Variants in DSTYK observed in about 807,000 individuals in gnomAD.
DSTYK encodes dual serine/threonine and tyrosine protein kinase.
In DSTYK, 34 loss-of-function variants were observed where a neutral mutation model predicts 98.7. The observed-to-expected ratio is 0.34, with a 90% confidence interval of 0.26 to 0.46. The LOEUF (loss-of-function observed/expected upper bound fraction) is 0.46. Ranked by LOEUF, DSTYK falls within the 20% of genes least tolerant of loss-of-function variation. The pLI is 1.00. For missense variants in DSTYK, 962 were observed against 1,181.7 expected (o/e 0.81, Z 2.73); for synonymous variants, 462 against 457.3 (o/e 1.01, Z -0.13).
chr1:205,179,327 T>C (rs919733029), intron 2 of DSTYK, among the ~76,000 whole-genome samples: 1 of 151,532 alleles, frequency 6.6e-6, no homozygotes, highest in African/African-American at 2.4e-5. Flanking sequence ...GAATAAAAGA[T>C]AGACTAGATG....
intron 2 of DSTYK, among the ~76,000 whole-genome samples, chr1:205,186,115 T>C (rs1658552458): frequency 6.6e-6 from 1 of 152,214 alleles, no homozygotes; most frequent in Non-Finnish European, 1.5e-5. Flanking sequence ...CAAGACTGTA[T>C]ACTACAGAGA....
intron 1 of DSTYK, among the ~76,000 whole-genome samples, chr1:205,203,035 A>C (rs1288620494): frequency 2.0e-5 from 3 of 152,218 alleles, no homozygotes; most frequent in East Asian, 1.9e-4. Flanking sequence ...AAAACAAAAT[A>C]TAAAAACCAG....
chr1:205,150,221 T>C lies in DSTYK; in HGVS notation c.2467+459A>G, dbSNP rs1657362563. 6.6e-6 allele frequency among the ~76,000 whole-genome samples: 1 copy of C among 152,146 alleles called. No homozygotes were observed. Among genetic ancestry groups the C allele is most frequent in the South Asian group, 2.1e-4 (1 of 4,828 alleles). On this transcript the variant is annotated intron_variant, in intron 11 of 12. Transcript: ENST00000367162. The surrounding 1 kb of genome is among the most constrained non-coding windows in gnomAD (Gnocchi z 4.1). ...ACCTCCATCACAAAACCACCAAACA[T>C]TTCCACCTTCATTTATTCCTTCTCT...
intron 2 of DSTYK, among the ~76,000 whole-genome samples, chr1:205,176,476 TAAAAAAAAAAAA>T (rs61291677): frequency 4.6e-5 from 2 of 43,204 alleles, no homozygotes; most frequent in African/African-American, 1.4e-4. Context: ...AACTCCCTCT[TAAAAAAAAAAAA>T]AAAAAAAAAA....
chr1:205,161,813 A>T (rs888016537), intron 6 of DSTYK, among the ~76,000 whole-genome samples: 1 of 152,208 alleles, frequency 6.6e-6, no homozygotes, highest in African/African-American at 2.4e-5. Context: ...AAATATCCAC[A>T]TGAAAAATTT....
intron 2 of DSTYK, among the ~76,000 whole-genome samples, chr1:205,185,639 A>C (rs545423407): frequency 1.3e-5 from 2 of 152,392 alleles, no homozygotes; most frequent in South Asian, 4.1e-4. Flanking sequence ...AGAAAGCAAA[A>C]GTAATATTTC....
intron 1 of DSTYK, among the ~76,000 whole-genome samples, chr1:205,189,294 G>C (rs897308614): frequency 1.3e-5 from 2 of 152,150 alleles, no homozygotes; most frequent in African/African-American, 4.8e-5. Flanking sequence ...AAAATAATCC[G>C]AAATTAGTTC....
rs1331905237 is a variant in DSTYK, at chr1:205,211,576, G to T, written c.-41C>A. ...TGTCTTTGCGGCTCGGTCCCCGGCC[G>T]CAGGCCCGGCCTCCCTCCTCCCCGC... is the stretch of plus-strand genomic sequence containing the variant. On this transcript the variant is annotated 5_prime_UTR_variant, in exon 1 of 13. Coordinates refer to ENST00000367162, the MANE Select transcript of DSTYK (RefSeq NM_015375.3). 1 of 1,412,880 alleles carries T rather than the reference G, an allele frequency of 7.1e-7. No individual in the cohort carries two copies. Among genetic ancestry groups the T allele is most frequent in the East Asian group, 2.9e-5 (1 of 34,902 alleles). The allele number at this position is 1,412,880 out of a possible 1,614,324, so 87.5% of individuals were successfully genotyped here. A position where few individuals can be genotyped will look rare whatever the true frequency, so the allele number is the denominator to read the frequency against.
At chr1:205,210,562 G>A (rs1256049433) in intron 1 of DSTYK, among the ~76,000 whole-genome samples, 1 of 152,172 alleles carries the variant, frequency 6.6e-6, no homozygotes, top group Non-Finnish European at 1.5e-5. Flanking sequence ...GGGGGCCTCT[G>A]GCACATCCTA....
Position 205,211,665 on chromosome 1 carries a change from C to A in DSTYK, c.-130G>T. ...GCCCCCGCCTGCAGTCAGCCTGGCTCCCAACCTCCGTCACTGCCGTTGCAA... is the reference window on the plus strand; with the variant it reads ...GCCCCCGCCTGCAGTCAGCCTGGCTACCAACCTCCGTCACTGCCGTTGCAA... On this transcript the variant is annotated 5_prime_UTR_variant, in exon 1 of 13. Transcript: ENST00000367162. The A allele has an allele frequency of 7.8e-7, 1 of 1,277,780 alleles. No individual in the cohort carries two copies. Among genetic ancestry groups the A allele is most frequent in the Non-Finnish European group, 1.0e-6 (1 of 973,936 alleles). The allele number at this position is 1,277,780 out of a possible 1,614,324, so 79.2% of individuals were successfully genotyped here.
intron 1 of DSTYK, among the ~76,000 whole-genome samples, chr1:205,208,638 T>C (rs1334700624): frequency 2.0e-5 from 3 of 151,828 alleles, no homozygotes; most frequent in African/African-American, 7.3e-5. Context: ...CTTTGGGAGG[T>C]TGAGTTGGAA....
chr1:205,185,851 T>G (rs1472441186), intron 2 of DSTYK, among the ~76,000 whole-genome samples: 1 of 151,906 alleles, frequency 6.6e-6, no homozygotes, highest in Non-Finnish European at 1.5e-5. Flanking sequence ...GGTGAAACCC[T>G]GTCTCTACTA....
At chr1:205,202,434 G>C in intron 1 of DSTYK, 2 of 753,080 alleles carry the variant, frequency 2.7e-6, no homozygotes, top group East Asian at 2.5e-5. Flanking sequence ...GACAAGGTCA[G>C]TGGCCCAAAA....
At chr1:205,204,726 C>A (rs187312771) in intron 1 of DSTYK, among the ~76,000 whole-genome samples, 3 of 152,228 alleles carry the variant, frequency 2.0e-5, no homozygotes, top group East Asian at 3.9e-4. Flanking sequence ...AAATTCCATA[C>A]CCATTAGCAG....
intron 9 of DSTYK, 32 bp from the exon 10 acceptor site, chr1:205,157,418 A>T (rs1353645482): frequency 6.4e-7 from 1 of 1,559,816 alleles, no homozygotes; most frequent in South Asian, 1.1e-5. Context: ...ACTTGTCATG[A>T]TAAGGCAACT....
chr1:205,197,151 A>AG (rs1403159103), intron 1 of DSTYK, among the ~76,000 whole-genome samples: 3 of 151,462 alleles, frequency 2.0e-5, no homozygotes, highest in African/African-American at 7.3e-5. Flanking sequence ...AAAAAAAAAA[A>AG]GGAGACATTG....
Position 205,162,063 on chromosome 1 carries a change from G to A in DSTYK, c.1791C>T (p.His597=), listed in dbSNP as rs764647986. Residue 597 remains histidine, a synonymous_variant, in exon 6 of 13, where the codon CAC becomes CAT. Coordinates refer to ENST00000367162, the MANE Select transcript of DSTYK (RefSeq NM_015375.3). ...SQFRTRLNSS[H]EAFAASLRQL... ...GCCGCAAGGAGGCTGCAAAAGCCTCGTGGGAACTATTGAGCCGAGTCCGGA... is the reference window on the plus strand; with the variant it reads ...GCCGCAAGGAGGCTGCAAAAGCCTCATGGGAACTATTGAGCCGAGTCCGGA... The A allele has an allele frequency of 1.1e-4, 177 of 1,613,852 alleles. No homozygotes were observed. Among genetic ancestry groups the A allele is most frequent in the Non-Finnish European group, 1.3e-4 (156 of 1,179,900 alleles).
rs182921440 is a variant in DSTYK, at chr1:205,178,010, A to G, written c.655-8178T>C. Reference sequence around the variant, plus strand: ...ACTGGGATCAATGTGAAGGCAAACCAGAGTTTTATCCCAGTAGTCAACATT... The same window carrying G: ...ACTGGGATCAATGTGAAGGCAAACCGGAGTTTTATCCCAGTAGTCAACATT... On this transcript the variant is annotated intron_variant, in intron 2 of 12. Transcript: ENST00000367162. Among the ~76,000 whole-genome samples, 31 of 152,304 alleles carry G rather than the reference A, an allele frequency of 2.0e-4. No homozygotes were observed. In the East Asian group the frequency reaches 6.0e-3, roughly 29 times the overall value.
At chr1:205,159,429 C>G in intron 9 of DSTYK, 118 bp downstream of exon 9, 5 of 1,250,240 alleles carry the variant, frequency 4.0e-6, no homozygotes, top group Non-Finnish European at 5.4e-6. Flanking sequence ...TGAAATAAAC[C>G]CTAATTACTC....
Sources: gnomAD v4.1 joint callset for allele counts (sites outside exome capture counted in the v4.1 genomes callset) on GRCh38, gnomAD v4.1.1 for gene constraint, Gnocchi (gnomAD v3.1) non-coding constraint, MANE v1.5 for transcripts, NCBI Gene and HGNC (gene_info 2026-07-23, HGNC 2026-07-21) for gene names.